Variants in GMDS observed in about 807,000 individuals in gnomAD.
GMDS encodes GDP-mannose 4,6-dehydratase, also known as GDP-mannose 4,6 dehydratase.
Under a neutral mutation model 49.9 loss-of-function variants are expected in GMDS, and 20 were observed. That is an observed-to-expected ratio of 0.40 (90% CI 0.28 to 0.58). GMDS has a LOEUF of 0.58. Among genes scored for constraint, GMDS ranks in the 20% least tolerant of loss-of-function variants. GMDS has a pLI of 0.42. For missense variants in GMDS, 362 were observed against 481.4 expected (o/e 0.75, Z 2.32); for synonymous variants, 177 against 178.6 (o/e 0.99, Z 0.07).
At chr6:2,097,772 G>C (rs1259782936) in intron 4 of GMDS, among the ~76,000 whole-genome samples, 1 of 152,112 alleles carries the variant, frequency 6.6e-6, no homozygotes, top group African/African-American at 2.4e-5. Context: ...CTGTTTGACT[G>C]TAGAAAAGAC....
intron 8 of GMDS, among the ~76,000 whole-genome samples, chr6:1,736,852 T>C (rs1479893862): frequency 6.6e-6 from 1 of 152,168 alleles, no homozygotes; most frequent in Non-Finnish European, 1.5e-5. Flanking sequence ...GGATGTGCTC[T>C]CCCACAGTGA....
intron 7 of GMDS, among the ~76,000 whole-genome samples, chr6:1,785,673 C>T (rs1462634181): frequency 6.6e-6 from 1 of 152,232 alleles, no homozygotes. Context: ...TTCATCTGGG[C>T]AGCCATGACC....
At chr6:1,970,155 G>C (rs1395418003) in intron 4 of GMDS, among the ~76,000 whole-genome samples, 1 of 152,168 alleles carries the variant, frequency 6.6e-6, no homozygotes, top group Non-Finnish European at 1.5e-5. Flanking sequence ...TGTGGTAAAA[G>C]ATAACCAGAG....
intron 4 of GMDS, among the ~76,000 whole-genome samples, chr6:2,003,824 T>TA (rs1561965636): frequency 6.6e-6 from 1 of 152,198 alleles, no homozygotes; most frequent in Non-Finnish European, 1.5e-5. Context: ...ATTAAGTTAC[T>TA]ACTGCACCAA....
chr6:1,648,061 C>T (rs913626782), intron 9 of GMDS, among the ~76,000 whole-genome samples: 1 of 152,086 alleles, frequency 6.6e-6, no homozygotes, highest in Non-Finnish European at 1.5e-5. Flanking sequence ...AGAGCCCATA[C>T]CTATTTGCCT....
At chr6:1,877,658 A>C (rs1195763410) in intron 7 of GMDS, among the ~76,000 whole-genome samples, 3 of 150,834 alleles carry the variant, frequency 2.0e-5, no homozygotes, top group African/African-American at 7.3e-5. Context: ...AAAAAAAAAA[A>C]AAAAAAAAAG....
At chr6:2,133,584 T>TA in intron 1 of GMDS, among the ~76,000 whole-genome samples, 1 of 152,314 alleles carries the variant, frequency 6.6e-6, no homozygotes, top group African/African-American at 2.4e-5. Context: ...AAATGTCACT[T>TA]GTCAACTCTC....
At chr6:1,932,059 C>T (rs1174814948) in intron 6 of GMDS, among the ~76,000 whole-genome samples, 1 of 152,130 alleles carries the variant, frequency 6.6e-6, no homozygotes, top group Non-Finnish European at 1.5e-5. Flanking sequence ...CCAGGCGCAA[C>T]GCACGTGAGA....
At chr6:1,949,708 A>G (rs1763249118) in intron 6 of GMDS, among the ~76,000 whole-genome samples, 1 of 152,224 alleles carries the variant, frequency 6.6e-6, no homozygotes, top group Admixed American at 6.5e-5. Context: ...ATGGTAAACC[A>G]GATGATGTCA....
intron 1 of GMDS, among the ~76,000 whole-genome samples, chr6:2,223,790 G>T (rs1780702656): frequency 6.6e-6 from 1 of 152,192 alleles, no homozygotes; most frequent in Non-Finnish European, 1.5e-5. Context: ...TACCTACATG[G>T]AAATGTTGAG....
chr6:1,722,124 T>C (rs974550536), intron 9 of GMDS, among the ~76,000 whole-genome samples: 9 of 140,888 alleles, frequency 6.4e-5, no homozygotes. Flanking sequence ...TGGAGTGCAG[T>C]GGTGTGATCT....
At chr6:1,892,015 T>C (rs1759893237) in intron 7 of GMDS, among the ~76,000 whole-genome samples, 1 of 152,232 alleles carries the variant, frequency 6.6e-6, no homozygotes, top group African/African-American at 2.4e-5. Flanking sequence ...CATAGGCTTT[T>C]GAAATTATTC....
Position 2,030,005 on chromosome 6 carries a change from C to T in GMDS, c.346-69039G>A, listed in dbSNP as rs182854682. The stretch of plus-strand genomic sequence containing the variant: ...CAGATAGCATGCATTACATCCAACT[C>T]GTGAACTGCCTTTCTCCCAGTGATA... On this transcript the variant is annotated intron_variant, in intron 4 of 10. Transcript: ENST00000380815. Among the ~76,000 whole-genome samples, 4 of 152,220 alleles carry T rather than the reference C, an allele frequency of 2.6e-5. 1 individual carries two copies. The highest frequency in any genetic ancestry group is 2.0e-4 in the Admixed American group (3 of 15,290).
intron 4 of GMDS, among the ~76,000 whole-genome samples, chr6:2,094,041 G>GGCC (rs1423158971): frequency 6.6e-6 from 1 of 152,120 alleles, no homozygotes; most frequent in Non-Finnish European, 1.5e-5. Flanking sequence ...ATGAAATGTG[G>GGCC]GCCTTTGTGC....
intron 2 of GMDS, among the ~76,000 whole-genome samples, chr6:2,117,773 C>T (rs539476018): frequency 3.9e-5 from 6 of 152,342 alleles, no homozygotes; most frequent in Admixed American, 2.6e-4. Flanking sequence ...TCTCAACAAA[C>T]GTAATCAGGT....
intron 4 of GMDS, among the ~76,000 whole-genome samples, chr6:1,989,302 A>G (rs1050660036): frequency 7.9e-5 from 12 of 152,326 alleles, no homozygotes; most frequent in South Asian, 6.2e-4. Flanking sequence ...GAGAGTTGGT[A>G]AAAAGGCTGT....
At chr6:1,638,964 C>T (rs1763247285) in intron 9 of GMDS, among the ~76,000 whole-genome samples, 2 of 152,198 alleles carry the variant, frequency 1.3e-5, no homozygotes, top group African/African-American at 4.8e-5. Context: ...TTGAAATCTT[C>T]TTATTCCATC....
intron 7 of GMDS, among the ~76,000 whole-genome samples, chr6:1,898,341 A>C (rs1760325805): frequency 6.6e-6 from 1 of 152,262 alleles, no homozygotes; most frequent in South Asian, 2.1e-4. Flanking sequence ...CAGAATTGCA[A>C]GATACCTTAG....
chr6:1,673,513 GTGT>G (rs1481021186), intron 9 of GMDS, among the ~76,000 whole-genome samples: 2 of 151,816 alleles, frequency 1.3e-5, no homozygotes, highest in African/African-American at 2.4e-5. Context: ...ATATCTCAGA[GTGT>G]TATATTTGTT....
Sources: gnomAD v4.1 joint callset for allele counts (sites outside exome capture counted in the v4.1 genomes callset) on GRCh38, gnomAD v4.1.1 for gene constraint, MANE v1.5 for transcripts, NCBI Gene and HGNC (gene_info 2026-07-23, HGNC 2026-07-21) for gene names.